The following ATP11A variants were observed in gnomAD, a reference collection of about 807,000 sequenced individuals.
ATP11A encodes phospholipid-transporting ATPase IH.
ATP11A carries 81 observed loss-of-function variants against 154.4 expected under a neutral mutation model. That is an observed-to-expected ratio of 0.52 (90% CI 0.44 to 0.63). ATP11A has a LOEUF of 0.63. ATP11A is among the 30% of genes least tolerant of loss of function. ATP11A has a pLI of 0.00. For missense variants in ATP11A, 1,316 were observed against 1,474.3 expected (o/e 0.89, Z 1.76); for synonymous variants, 623 against 585.9 (o/e 1.06, Z -0.91).
chr13:112,868,991 C>T (rs1001217534), intron 25 of ATP11A, among the ~76,000 whole-genome samples: 4 of 152,094 alleles, frequency 2.6e-5, no homozygotes, highest in East Asian at 1.9e-4. Context: ...CCACCGTCAA[C>T]GAGATCTGCA....
At chr13:112,786,447 CTT>C in intron 2 of ATP11A, among the ~76,000 whole-genome samples, 1 of 61,050 alleles carries the variant, frequency 1.6e-5, no homozygotes, top group African/African-American at 1.0e-4. Context: ...CTCCGTTTAT[CTT>C]CACCGTCCTT....
rs2079288657 is a variant in ATP11A at position 112,838,070 on chromosome 13, T to C, written c.1705+1819T>C. Among the ~76,000 whole-genome samples, 1 of 152,088 alleles carries C rather than the reference T, an allele frequency of 6.6e-6. No individual in the cohort carries two copies. Among genetic ancestry groups the C allele is most frequent in the Non-Finnish European group, 1.5e-5 (1 of 68,010 alleles). On this transcript the variant is annotated intron_variant, in intron 16 of 29. Transcript: ENST00000375645. This position sits in a 1 kb window ranked among gnomAD's most constrained non-coding sequence, Gnocchi z 7.3. ...GAGATGTCTACTGATGGTCATAGGA[T>C]GAGGAACAATCTGTGTGTGAATGTT...
At chr13:112,828,283 A>T (rs1208753917) in intron 12 of ATP11A, among the ~76,000 whole-genome samples, 3 of 124,954 alleles carry the variant, frequency 2.4e-5, no homozygotes, top group Non-Finnish European at 4.9e-5. Context: ...AGTGTTGAGT[A>T]GGGGGGAAAG....
Position 112,882,780 on chromosome 13 carries a change from G to A in ATP11A, c.*914G>A, listed in dbSNP as rs2080914032. 1 of 399,244 alleles carries A rather than the reference G, an allele frequency of 2.5e-6. No individual in the cohort carries two copies. Among genetic ancestry groups the A allele is most frequent in the Admixed American group, 4.4e-5 (1 of 22,756 alleles). The allele number at this position is 399,244 out of a possible 1,614,324, so 24.7% of individuals were successfully genotyped here. ...CAGTCCACTGTTACGGGAGAATGTT[G>A]ATTTCGCGGGTGCGAGGGCCGGGAG... On this transcript the variant is annotated 3_prime_UTR_variant, in exon 30 of 30. Transcript: ENST00000375645. The surrounding 1 kb of genome is among the most constrained non-coding windows in gnomAD (Gnocchi z 5.1).
chr13:112,776,120 T>A (rs1214837556), intron 1 of ATP11A, among the ~76,000 whole-genome samples: 1 of 152,178 alleles, frequency 6.6e-6, no homozygotes, highest in Non-Finnish European at 1.5e-5. Context: ...CCAGTGGCTG[T>A]CGTTTGTTTC....
intron 12 of ATP11A, 67 bp from the exon 13 acceptor site, chr13:112,831,308 G>C (rs959548276): frequency 6.4e-7 from 1 of 1,551,238 alleles, no homozygotes; most frequent in African/African-American, 1.4e-5. Flanking sequence ...CACGGCTGCT[G>C]TGTGTCTGAG....
chr13:112,732,087 C>A (rs554374167), intron 1 of ATP11A, among the ~76,000 whole-genome samples: 125 of 152,246 alleles, frequency 8.2e-4, no homozygotes, highest in African/African-American at 2.7e-3. Context: ...GGCATGAGTT[C>A]GGTCCTGTCG....
At chr13:112,748,972 A>G (rs1330791651) in intron 1 of ATP11A, among the ~76,000 whole-genome samples, 2 of 152,200 alleles carry the variant, frequency 1.3e-5, no homozygotes, top group African/African-American at 2.4e-5. Context: ...ATCACGGAGC[A>G]CACACAGAAT....
intron 10 of ATP11A, among the ~76,000 whole-genome samples, 176 bp from the exon 11 acceptor site, chr13:112,825,254 G>A (rs1022307740): frequency 6.6e-6 from 1 of 152,210 alleles, no homozygotes; most frequent in African/African-American, 2.4e-5. Context: ...GTACGTGCCA[G>A]GGACCATGGC....
At chr13:112,828,399 G>C (rs1447670786) in intron 12 of ATP11A, among the ~76,000 whole-genome samples, 1 of 136,084 alleles carries the variant, frequency 7.3e-6, no homozygotes, top group Non-Finnish European at 1.6e-5. Flanking sequence ...GTGTTGAGTA[G>C]GGGGGAAAGC....
chr13:112,774,355 G>A (rs2077296024), intron 1 of ATP11A, among the ~76,000 whole-genome samples: 1 of 152,196 alleles, frequency 6.6e-6, no homozygotes, highest in African/African-American at 2.4e-5. Flanking sequence ...AGAAGAGGGT[G>A]GTTGAGGACC....
intron 1 of ATP11A, among the ~76,000 whole-genome samples, chr13:112,781,784 CAAAAA>C (rs748401969): frequency 6.9e-5 from 7 of 101,348 alleles, no homozygotes; most frequent in East Asian, 6.1e-4. Flanking sequence ...TTTCACTTTG[CAAAAA>C]AAAAAAAAAA....
chr13:112,835,490 C>T (rs560891839), intron 15 of ATP11A, among the ~76,000 whole-genome samples: 14 of 152,358 alleles, frequency 9.2e-5, no homozygotes, highest in Non-Finnish European at 1.5e-4. Flanking sequence ...TTCCCGGGGG[C>T]CGCAACTCAC....
chr13:112,735,868 T>C (rs1053684465), intron 1 of ATP11A, among the ~76,000 whole-genome samples: 7 of 152,190 alleles, frequency 4.6e-5, no homozygotes, highest in African/African-American at 1.7e-4. Context: ...GCACCTGACT[T>C]TTCCGAGGTG....
chr13:112,835,930 G>C (rs1376351454), intron 15 of ATP11A, among the ~76,000 whole-genome samples: 1 of 152,218 alleles, frequency 6.6e-6, no homozygotes, highest in African/African-American at 2.4e-5. Flanking sequence ...GTAGGATGGG[G>C]ACGTAGTGAG....
At chr13:112,762,995 T>C (rs139340781) in intron 1 of ATP11A, among the ~76,000 whole-genome samples, 1 of 152,382 alleles carries the variant, frequency 6.6e-6, no homozygotes, top group Non-Finnish European at 1.5e-5. Context: ...CCCCATTTTA[T>C]GCCTTTAATT....
intron 2 of ATP11A, among the ~76,000 whole-genome samples, chr13:112,803,772 T>TGA (rs2078207383): frequency 2.5e-5 from 2 of 80,940 alleles, no homozygotes; most frequent in African/African-American, 1.1e-4. Flanking sequence ...CTTCCCTCCT[T>TGA]CCTCTCCCTC....
Position 112,878,230 on chromosome 13 carries a change from G to A in ATP11A, c.3341G>A (p.Cys1114Tyr), listed in dbSNP as rs1400378501. ...CTCGGGACTAAGACTAAGAGCCAGT[G>A]CCTTTCTGTCGAGCAGTCAACCATC... ...ATERVQTKSQ[C>Y]LSVEQSTIFM... Residue 1114 changes from cysteine (C) to tyrosine (Y), a missense_variant, in exon 29 of 30, where the codon TGC becomes TAC. By Grantham distance (194) the Cys-to-Tyr change is radical. Transcript: ENST00000375645. The A allele has an allele frequency of 1.2e-6, 2 of 1,614,088 alleles. No individual in the cohort carries two copies. The highest frequency in any genetic ancestry group is 2.2e-5 in the East Asian group (1 of 44,906).
intron 4 of ATP11A, among the ~76,000 whole-genome samples, chr13:112,809,788 T>C (rs2078437198): frequency 1.3e-5 from 2 of 152,178 alleles, no homozygotes. Flanking sequence ...AAAGGCACGT[T>C]TGTCATCCCA....
Sources: allele counts gnomAD v4.1 joint callset (sites outside exome capture counted in the v4.1 genomes callset), GRCh38; gene constraint gnomAD v4.1.1; non-coding constraint Gnocchi (gnomAD v3.1); transcripts MANE v1.5; gene names NCBI Gene and HGNC (gene_info 2026-07-23, HGNC 2026-07-21).